Variants in RGS13 observed in about 807,000 individuals in gnomAD.
RGS13 encodes the protein regulator of G-protein signalling 13.
A neutral mutation model predicts 19.9 loss-of-function variants in RGS13; 14 were observed. The observed-to-expected ratio is 0.70, with a 90% CI of 0.46 to 1.10. RGS13 has a LOEUF of 1.10. RGS13 is among the 50% of genes least tolerant of loss of function. The probability of loss-of-function intolerance (pLI) is 0.00; values close to 1 mark genes in which losing one functional copy is unlikely to be tolerated. For synonymous variants in RGS13, 60 were observed against 56.8 expected, an observed-to-expected ratio of 1.06 and a Z score of -0.25; for missense variants, 205 against 187.1, an observed-to-expected ratio of 1.10 and a Z score of -0.56.
chr1:192,649,713 C>G lies in RGS13; in HGVS notation c.127+1726C>G, dbSNP rs553409237. Among the ~76,000 whole-genome samples, 90 of 152,236 alleles carry G rather than the reference C, an allele frequency of 5.9e-4. 1 individual carries two copies. Among genetic ancestry groups the G allele is most frequent in the African/African-American group, 2.1e-3 (88 of 41,564 alleles). On this transcript the variant is annotated intron_variant, in intron 5 of 6. Coordinates refer to ENST00000391995, the MANE Select transcript of RGS13 (RefSeq NM_002927.5). Reference sequence around the variant, plus strand: ...GTCACTTCATTTTCTACTTGTACATCTATGATTCTTCTCCTCCAGGCTTTT... The same window carrying G: ...GTCACTTCATTTTCTACTTGTACATGTATGATTCTTCTCCTCCAGGCTTTT...
At chr1:192,650,441 G>A (rs1663315791) in intron 5 of RGS13, among the ~76,000 whole-genome samples, 3 of 152,058 alleles carry the variant, frequency 2.0e-5, no homozygotes. Flanking sequence ...ATAAAAATGT[G>A]TTTACATTAA....
intron 3 of RGS13, among the ~76,000 whole-genome samples, chr1:192,641,180 AAAG>A (rs1265148183): frequency 6.7e-6 from 1 of 149,766 alleles, no homozygotes; most frequent in African/African-American, 2.5e-5. Flanking sequence ...GAAAGAAAGA[AAAG>A]AAAGAAAAAA....
At chr1:192,642,090 C>T (rs1420530857) in intron 3 of RGS13, among the ~76,000 whole-genome samples, 2 of 152,156 alleles carry the variant, frequency 1.3e-5, no homozygotes, top group South Asian at 4.1e-4. Context: ...CTTAACATGT[C>T]TATTCTGAAT....
At chr1:192,641,607 C>A (rs998579782) in intron 3 of RGS13, among the ~76,000 whole-genome samples, 12 of 152,182 alleles carry the variant, frequency 7.9e-5, no homozygotes, top group African/African-American at 2.9e-4. Context: ...GCTTTTAACA[C>A]TCCATTGGCC....
chr1:192,651,196 T>C (rs527559058), intron 5 of RGS13, among the ~76,000 whole-genome samples: 1 of 152,102 alleles, frequency 6.6e-6, no homozygotes, highest in Admixed American at 6.6e-5. Context: ...GAAGAGAGTG[T>C]TTCAGGAAGG....
rs768645181 is a variant in RGS13, at chr1:192,659,503, C to G, written c.460C>G (p.Gln154Glu). ...GTACCAAAAACTTTTGAAAACTATG[C>G]AGTCCAACAACAGTTTCTGACTACA... is the stretch of plus-strand genomic sequence containing the variant. ...EMYQKLLKTM[Q>E]SNNSF The change falls in exon 7 of 7, where the codon CAG becomes GAG. Residue 154 changes from glutamine (Q) to glutamate (E), a missense_variant. Gln to Glu is a conservative substitution (Grantham distance 29). Coordinates refer to ENST00000391995, the MANE Select transcript of RGS13 (RefSeq NM_002927.5). 3.7e-6 allele frequency: 6 copies of G among 1,610,948 alleles called. No individual in the cohort carries two copies. The highest frequency in any genetic ancestry group is 1.1e-5 in the South Asian group (1 of 90,580).
chr1:192,651,069 AC>A (rs1031466232), intron 5 of RGS13, among the ~76,000 whole-genome samples: 1 of 152,038 alleles, frequency 6.6e-6, no homozygotes, highest in African/African-American at 2.4e-5. Context: ...CAGAGATGAA[AC>A]TTAGGTGTGT....
At chr1:192,655,892 CAGAT>C (rs893408016) in intron 5 of RGS13, among the ~76,000 whole-genome samples, 11 of 151,726 alleles carry the variant, frequency 7.2e-5, no homozygotes, top group Admixed American at 2.6e-4. Flanking sequence ...GATAGACAGA[CAGAT>C]AGATAGACAA....
intron 6 of RGS13, 99 bp downstream of exon 6, chr1:192,658,466 T>C: frequency 1.8e-6 from 2 of 1,094,300 alleles, no homozygotes; most frequent in Non-Finnish European, 2.6e-6. Context: ...TTACATCCAG[T>C]ATCTCCTAAA....
intron 5 of RGS13, among the ~76,000 whole-genome samples, chr1:192,648,870 C>A (rs1663266280): frequency 6.6e-6 from 1 of 152,046 alleles, no homozygotes. Context: ...GGGCAAGGTA[C>A]CCCCTGTTCC....
chr1:192,657,907 G>A (rs1259100381), intron 5 of RGS13, among the ~76,000 whole-genome samples: 1 of 152,104 alleles, frequency 6.6e-6, no homozygotes, highest in Non-Finnish European at 1.5e-5. Flanking sequence ...CCTGGGCTCT[G>A]TGATGTCTCC....
rs1379506223 is a variant in RGS13, at chr1:192,655,238, A to G, written c.128-2963A>G. Among the ~76,000 whole-genome samples, 4 of 152,150 alleles carry G rather than the reference A, an allele frequency of 2.6e-5. No homozygotes were observed. In the South Asian group the frequency reaches 8.3e-4, roughly 31 times the overall value. On this transcript the variant is annotated intron_variant, in intron 5 of 6. Transcript: ENST00000391995. ...GCCTGATGCAGACAGAATTCTGTAAAGTATGCCAATCACATGAGTCCGCTC... is the reference window on the plus strand; with the variant it reads ...GCCTGATGCAGACAGAATTCTGTAAGGTATGCCAATCACATGAGTCCGCTC...
chr1:192,658,089 A>T, intron 5 of RGS13, 112 bp from the exon 6 acceptor site: 1 of 682,442 alleles, frequency 1.5e-6, no homozygotes, highest in Non-Finnish European at 2.5e-6. Flanking sequence ...TAAAATATTT[A>T]CTTGTTAAAT....
intron 5 of RGS13, among the ~76,000 whole-genome samples, chr1:192,651,805 T>C (rs749026054): frequency 8.6e-5 from 13 of 152,020 alleles, no homozygotes; most frequent in Non-Finnish European, 1.6e-4. Context: ...AGGTCGCCAG[T>C]AGATTGCTTA....
rs112810426 is a variant in RGS13 at position 192,638,796 on chromosome 1, C to A, written c.-5+593C>A. Among the ~76,000 whole-genome samples the A allele has an allele frequency of 8.8e-3, 1,345 of 152,184 alleles. 4 individuals are homozygous for A. Among genetic ancestry groups the A allele is most frequent in the Non-Finnish European group, 0.015 (1,011 of 68,000 alleles). Reference sequence around the variant, plus strand: ...ACACAATTCTGTCACTAAATATTTTCTGCAATTTAATCATTGATGCTTTTA... The same window carrying A: ...ACACAATTCTGTCACTAAATATTTTATGCAATTTAATCATTGATGCTTTTA... On this transcript the variant is annotated intron_variant, in intron 3 of 6. Coordinates refer to ENST00000391995, the MANE Select transcript of RGS13 (RefSeq NM_002927.5).
chr1:192,643,206 C>A (rs745382103), intron 3 of RGS13, among the ~76,000 whole-genome samples: 4 of 151,956 alleles, frequency 2.6e-5, no homozygotes, highest in Non-Finnish European at 5.9e-5. Flanking sequence ...CAGAAGAGGA[C>A]AGACAAGATG....
At position 192,639,809 on chromosome 1, in the gene RGS13, T is replaced by G. The variant is rs1364293065; in HGVS notation, c.-5+1606T>G. Among the ~76,000 whole-genome samples the G allele has an allele frequency of 2.0e-5, 3 of 152,118 alleles. No homozygotes were observed. In the South Asian group the frequency reaches 6.2e-4, roughly 32 times the overall value. ...GCCCCAGAACTATTTGAATATACTC[T>G]GTCAACTTGCAGGAGCTGTGGGAAG... On this transcript the variant is annotated intron_variant, in intron 3 of 6. Transcript: ENST00000391995.
At chr1:192,657,236 T>C (rs1438314500) in intron 5 of RGS13, among the ~76,000 whole-genome samples, 4 of 152,092 alleles carry the variant, frequency 2.6e-5, no homozygotes, top group Admixed American at 2.6e-4. Flanking sequence ...AAAGTTACAT[T>C]GTTGTTTTAT....
intron 5 of RGS13, among the ~76,000 whole-genome samples, chr1:192,652,323 A>G (rs1663357253): frequency 6.6e-6 from 1 of 152,012 alleles, no homozygotes; most frequent in Non-Finnish European, 1.5e-5. Context: ...CCTTTTGTAC[A>G]TCCTGATCCC....
Sources: gnomAD v4.1 joint callset for allele counts (sites outside exome capture counted in the v4.1 genomes callset) on GRCh38, gnomAD v4.1.1 for gene constraint, MANE v1.5 for transcripts, NCBI Gene and HGNC (gene_info 2026-07-23, HGNC 2026-07-21) for gene names.